PARP10: variants seen among roughly 807,000 people sequenced by gnomAD.
PARP10 encodes protein mono-ADP-ribosyltransferase PARP10.
PARP10 carries 56 observed loss-of-function variants against 82.4 expected under a neutral mutation model. The observed-to-expected ratio is 0.68, with a 90% CI of 0.55 to 0.85. The LOEUF is 0.85. Among genes scored for constraint, PARP10 ranks in the 40% least tolerant of loss-of-function variants. The pLI, the probability that PARP10 is intolerant of heterozygous loss-of-function variation, is 0.00. For synonymous variants in PARP10, 576 were observed against 601.1 expected (o/e 0.96, Z 0.61); for missense variants, 1,227 against 1,379.4 (o/e 0.89, Z 1.75).
upstream of PARP10, chr8:143,991,471 CCTACCCACAAGAGGG>C (rs1229805942): frequency 3.3e-6 from 5 of 1,508,530 alleles, no homozygotes; most frequent in Non-Finnish European, 4.4e-6. Context: ...CCACAGGGCC[CCTACCCACAAGAGGG>C]CTACCCACAG....
chr8:143,984,167 A>G, intron 6 of PARP10, 43 bp downstream of exon 6: 2 of 1,497,010 alleles, frequency 1.3e-6, no homozygotes, highest in Non-Finnish European at 1.8e-6. Context: ...CCTGGGGCAG[A>G]GGCGTGAGAA....
intron 1 of PARP10, among the ~76,000 whole-genome samples, chr8:144,006,515 G>C (rs774888891): frequency 6.6e-6 from 1 of 152,260 alleles, no homozygotes; most frequent in Admixed American, 6.5e-5. Flanking sequence ...GGGGCAACAC[G>C]CAAGCGGAGT....
At chr8:144,009,989 C>T (rs1258680102) in intron 1 of PARP10, among the ~76,000 whole-genome samples, 2 of 152,160 alleles carry the variant, frequency 1.3e-5, no homozygotes, top group African/African-American at 2.4e-5. Context: ...AATCTGTTCC[C>T]ACATGCCCTT....
upstream of PARP10, chr8:143,986,657 C>T (rs1833997701): frequency 1.1e-5 from 6 of 562,930 alleles, no homozygotes; most frequent in Admixed American, 1.9e-4. Context: ...ACTCCAGCCC[C>T]TGGTTGGCAG....
At chr8:143,995,500 C>T (rs1216720494), upstream of PARP10, among the ~76,000 whole-genome samples, 2 of 152,312 alleles carry the variant, frequency 1.3e-5, no homozygotes, top group East Asian at 1.9e-4. Flanking sequence ...TGTGGCCAGG[C>T]AGATGAATCG....
intron 1 of PARP10, among the ~76,000 whole-genome samples, chr8:144,007,378 T>C (rs1240422530): frequency 1.3e-5 from 2 of 152,216 alleles, no homozygotes; most frequent in Non-Finnish European, 2.9e-5. Flanking sequence ...CAAAGGGATA[T>C]TGGTTTCCTC....
rs1554746789 is a variant in PARP10 at position 143,977,966 on chromosome 8, G to A, written c.2672C>T (p.Ala891Val). 2 of 1,599,176 alleles carry A rather than the reference G, an allele frequency of 1.3e-6. No individual in the cohort carries two copies. Among genetic ancestry groups the A allele is most frequent in the African/African-American group, 1.3e-5 (1 of 74,884 alleles). ...VEQVLYHGTT[A>V]PAVPDICAHG... is the part of the protein sequence containing the mutation. ...GGCGCAGATGTCAGGCACTGCCGGT[G>A]CCGTCGTGCCGTGGTACAGCACCTG... Residue 891 changes from alanine to valine, a missense_variant, in exon 10 of 11, where the codon GCA becomes GTA. Physicochemically the swap from Ala to Val is moderately conservative, Grantham distance 64 (BLOSUM62 0). Coordinates refer to ENST00000313028, the MANE Select transcript of PARP10 (RefSeq NM_032789.5).
chr8:144,000,432 G>A (rs1834193671), intron 1 of PARP10, among the ~76,000 whole-genome samples: 1 of 152,186 alleles, frequency 6.6e-6, no homozygotes, highest in Non-Finnish European at 1.5e-5. Context: ...GAGGGAGCAA[G>A]GCCCTGCAGA....
At chr8:143,983,918 G>A (rs1324739130) in intron 7 of PARP10, 90 bp downstream of exon 7, 2 of 1,481,050 alleles carry the variant, frequency 1.4e-6, no homozygotes, top group African/African-American at 1.4e-5. Context: ...CCTAAGATGG[G>A]TCAGTAGACA....
intron 1 of PARP10, among the ~76,000 whole-genome samples, chr8:144,001,830 C>T (rs1834205205): frequency 6.6e-6 from 1 of 151,428 alleles, no homozygotes; most frequent in Admixed American, 6.6e-5. Context: ...GAGTTGGAGA[C>T]CAGCCTGGAC....
chr8:143,978,270 A>G (rs1335704834), intron 9 of PARP10, among the ~76,000 whole-genome samples, 189 bp from the exon 10 acceptor site: 2 of 152,116 alleles, frequency 1.3e-5, no homozygotes, highest in East Asian at 3.9e-4. Flanking sequence ...GTGACTTCAG[A>G]GGGCCGCTGG....
At chr8:143,993,141 G>T (rs1001264450), upstream of PARP10, 14 of 380,438 alleles carry the variant, frequency 3.7e-5, no homozygotes, top group Non-Finnish European at 6.9e-5. Context: ...CCACCCCAGG[G>T]ACTGGGGGCA....
chr8:143,978,059 A>G lies in PARP10; in HGVS notation c.2579T>C (p.Leu860Pro), dbSNP rs782059692. Reference protein sequence around the residue: ...VVRVERVSHPLLQQQYELYRE... With the variant: ...VVRVERVSHPPLQQQYELYRE... ...GTACAGCTCATACTGCTGCTGCAGCAGCGGGTGCGACACGCGCTCCACCTG... is the reference window on the plus strand; with the variant it reads ...GTACAGCTCATACTGCTGCTGCAGCGGCGGGTGCGACACGCGCTCCACCTG... The change falls in exon 10 of 11, where the codon CTG becomes CCG. Residue 860 changes from leucine to proline, a missense_variant. Coordinates refer to ENST00000313028, the MANE Select transcript of PARP10 (RefSeq NM_032789.5). 4.3e-5 allele frequency: 67 copies of G among 1,540,324 alleles called. No individual in the cohort carries two copies. The highest frequency in any genetic ancestry group is 1.4e-5 in the African/African-American group (1 of 72,848).
chr8:144,003,337 C>T (rs942204808), intron 1 of PARP10, among the ~76,000 whole-genome samples: 2 of 149,700 alleles, frequency 1.3e-5, no homozygotes, highest in African/African-American at 2.5e-5. Context: ...GCACAAGGAT[C>T]GCTTGAGCCT....
upstream of PARP10, among the ~76,000 whole-genome samples, chr8:143,988,180 C>T (rs1484172693): frequency 3.2e-5 from 4 of 124,582 alleles, no homozygotes; most frequent in Admixed American, 1.6e-4. Flanking sequence ...GACGGAGTTT[C>T]GCCCTTTCAC....
chr8:143,991,109 G>A (rs1413694285), upstream of PARP10: 3 of 671,504 alleles, frequency 4.5e-6, no homozygotes, highest in Non-Finnish European at 7.6e-6. Flanking sequence ...CTTCCCCCTG[G>A]GTTCCCAGAA....
At chr8:143,988,211 G>A (rs1728217004), upstream of PARP10, among the ~76,000 whole-genome samples, 1 of 135,010 alleles carries the variant, frequency 7.4e-6, no homozygotes, top group Non-Finnish European at 1.6e-5. Context: ...GTGAAGTGCC[G>A]TGATCTCGGC....
upstream of PARP10, chr8:143,991,242 T>A (rs782690498): frequency 1.9e-6 from 3 of 1,577,264 alleles, no homozygotes; most frequent in Non-Finnish European, 2.6e-6. Context: ...TGAAAAGAGT[T>A]TTTTGGTGTC....
chr8:143,985,546 T>C lies in PARP10; in HGVS notation c.539A>G (p.Asp180Gly), dbSNP rs1253233261. ...CAACAGCAGGTCCACAGAGGCACCA[T>C]CCCCCACCACACGCACCGCTCGGGC... ...PQARAVRVVG[D>G]GASVDLLLLE... The change falls in exon 4 of 11, where the codon GAT becomes GGT. Residue 180 changes from aspartate to glycine, a missense_variant. Physicochemically the swap from Asp to Gly is moderately conservative, Grantham distance 94. Transcript: ENST00000313028. 1 of 1,613,628 alleles carries C rather than the reference T, an allele frequency of 6.2e-7. No homozygotes were observed. The highest frequency in any genetic ancestry group is 2.2e-5 in the East Asian group (1 of 44,860).
Sources: allele counts gnomAD v4.1 joint callset (sites outside exome capture counted in the v4.1 genomes callset), GRCh38; gene constraint gnomAD v4.1.1; transcripts MANE v1.5; gene names NCBI Gene and HGNC (gene_info 2026-07-23, HGNC 2026-07-21).